TRDN: variants seen among roughly 807,000 people sequenced by gnomAD.
TRDN encodes the protein triadin in skeletal muscle.
In TRDN, 161 loss-of-function variants were observed where a neutral mutation model predicts 149.7. That is an observed-to-expected ratio of 1.08 (90% CI 0.95 to 1.23). TRDN has a LOEUF of 1.23. TRDN is among the 50% of genes most tolerant of loss of function. The pLI, the probability that TRDN is intolerant of heterozygous loss-of-function variation, is 0.00. For missense variants in TRDN, 896 were observed against 823.5 expected, an observed-to-expected ratio of 1.09 and a Z score of -1.08; for synonymous variants, 294 against 250.5, an observed-to-expected ratio of 1.17 and a Z score of -1.64.
chr6:123,348,832 C>G (rs979832943), intron 21 of TRDN, among the ~76,000 whole-genome samples: 4 of 152,058 alleles, frequency 2.6e-5, no homozygotes, highest in African/African-American at 9.7e-5. Context: ...TTTATATAAT[C>G]TTGTCTAGAA....
intron 24 of TRDN, among the ~76,000 whole-genome samples, chr6:123,306,478 T>C (rs891077750): frequency 1.3e-5 from 2 of 152,048 alleles, no homozygotes; most frequent in Admixed American, 1.3e-4. Flanking sequence ...AAACAAAGTC[T>C]AGAAAAGCCA....
intron 8 of TRDN, among the ~76,000 whole-genome samples, chr6:123,499,257 G>C (rs548616305): frequency 1.1e-4 from 17 of 152,244 alleles, no homozygotes; most frequent in Non-Finnish European, 1.9e-4. Context: ...TGATGGGATA[G>C]TTATATACAT....
intron 1 of TRDN, among the ~76,000 whole-genome samples, chr6:123,597,384 G>C (rs140910002): frequency 9.7e-4 from 147 of 152,166 alleles, no homozygotes; most frequent in African/African-American, 3.3e-3. Context: ...GGAATCTACT[G>C]CTGGTAAAGA....
intron 5 of TRDN, among the ~76,000 whole-genome samples, chr6:123,516,476 C>A (rs1779416077): frequency 6.6e-6 from 1 of 152,030 alleles, no homozygotes; most frequent in Admixed American, 6.6e-5. Flanking sequence ...TTTTCCAAAT[C>A]TTTAATTGAA....
chr6:123,376,893 A>AC (rs1201897439), intron 18 of TRDN, among the ~76,000 whole-genome samples: 1 of 152,276 alleles, frequency 6.6e-6, no homozygotes, highest in East Asian at 1.9e-4. Flanking sequence ...ATACACACAC[A>AC]CACACACAAT....
intron 38 of TRDN, among the ~76,000 whole-genome samples, chr6:123,228,126 T>A (rs1029793214): frequency 6.6e-6 from 1 of 151,922 alleles, no homozygotes; most frequent in African/African-American, 2.4e-5. Context: ...TTCTAAGCAC[T>A]TTATAAATGT....
At chr6:123,584,394 T>C (rs547558552) in intron 1 of TRDN, among the ~76,000 whole-genome samples, 112 of 112,852 alleles carry the variant, frequency 9.9e-4, no homozygotes, top group Non-Finnish European at 1.8e-3. Context: ...GGAGACATGA[T>C]GCCTAGGCTA....
chr6:123,541,224 G>A (rs75248025), intron 4 of TRDN, among the ~76,000 whole-genome samples: 38 of 152,250 alleles, frequency 2.5e-4, no homozygotes, highest in African/African-American at 4.8e-4. Context: ...TTGCCTCAGA[G>A]ACTCTTTTAA....
At chr6:123,226,543 C>T (rs1410273601) in intron 38 of TRDN, among the ~76,000 whole-genome samples, 1 of 151,854 alleles carries the variant, frequency 6.6e-6, no homozygotes, top group Admixed American at 6.6e-5. Context: ...CATCAACTGG[C>T]TATAAGTGAC....
chr6:123,428,350 G>A (rs201819780), intron 12 of TRDN, among the ~76,000 whole-genome samples: 10 of 152,154 alleles, frequency 6.6e-5, no homozygotes, highest in East Asian at 3.9e-4. Flanking sequence ...ACCCCTACCC[G>A]CTTTCCCAAG....
chr6:123,596,830 T>C (rs1242889285), intron 1 of TRDN, among the ~76,000 whole-genome samples: 1 of 151,944 alleles, frequency 6.6e-6, no homozygotes, highest in Non-Finnish European at 1.5e-5. Flanking sequence ...TCAGAAAAAA[T>C]ATATGTATAT....
intron 12 of TRDN, among the ~76,000 whole-genome samples, chr6:123,396,584 T>G (rs1772742657): frequency 6.6e-6 from 1 of 152,154 alleles, no homozygotes; most frequent in South Asian, 2.1e-4. Flanking sequence ...ATAATTCACT[T>G]GGGGGTGTTT....
chr6:123,317,250 T>C (rs1456139853), intron 23 of TRDN, among the ~76,000 whole-genome samples: 3 of 151,868 alleles, frequency 2.0e-5, no homozygotes, highest in Non-Finnish European at 4.4e-5. Context: ...TAATTATCTG[T>C]TCTTGGTATA....
chr6:123,377,848 G>C lies in TRDN; in HGVS notation c.1219+18C>G. 6.3e-7 allele frequency: 1 copy of C among 1,589,896 alleles called. No individual in the cohort carries two copies. The highest frequency in any genetic ancestry group is 8.6e-7 in the Non-Finnish European group (1 of 1,162,694). ...ATATTATGAAATTGTGAGAACAGAGGAATTTAAAAACAGTTACCTGGTTCC... is the reference window on the plus strand; with the variant it reads ...ATATTATGAAATTGTGAGAACAGAGCAATTTAAAAACAGTTACCTGGTTCC... On this transcript the variant is annotated intron_variant, in intron 17 of 40. Coordinates refer to ENST00000334268, the MANE Select transcript of TRDN (RefSeq NM_006073.4).
intron 19 of TRDN, among the ~76,000 whole-genome samples, chr6:123,370,913 C>CTT (rs58947175): frequency 0.16 from 20,919 of 131,012 alleles, 1,674 homozygotes; most frequent in African/African-American, 0.25. Flanking sequence ...AGGTCTTTGT[C>CTT]TTTTTTTTTT....
chr6:123,403,109 G>C (rs1204096100), intron 12 of TRDN, among the ~76,000 whole-genome samples: 1 of 152,034 alleles, frequency 6.6e-6, no homozygotes, highest in African/African-American at 2.4e-5. Flanking sequence ...TGAACAGAAG[G>C]CTTCAGACTA....
intron 12 of TRDN, 34 bp from the exon 13 acceptor site, chr6:123,393,711 T>C: frequency 7.0e-6 from 11 of 1,571,426 alleles, no homozygotes; most frequent in Non-Finnish European, 9.5e-6. Context: ...TACCATGAAG[T>C]ATGATTTTGG....
At chr6:123,373,482 A>G (rs750755918) in intron 19 of TRDN, among the ~76,000 whole-genome samples, 7 of 152,154 alleles carry the variant, frequency 4.6e-5, no homozygotes, top group Non-Finnish European at 2.9e-5. Flanking sequence ...TATATGCTCT[A>G]TTCTGAAGGT....
chr6:123,569,883 T>G lies in TRDN; in HGVS notation c.232+1040A>C, dbSNP rs567378727. 1.7e-3 allele frequency among the ~76,000 whole-genome samples: 258 copies of G among 152,316 alleles called. 1 individual carries two copies. Among genetic ancestry groups the G allele is most frequent in the Non-Finnish European group, 2.2e-3 (147 of 68,028 alleles). The stretch of plus-strand genomic sequence containing the variant: ...CAACACTGGGGATTATAATTCATCA[T>G]GAGATTAGAGGGAACACATATCCAA... On this transcript the variant is annotated intron_variant, in intron 2 of 40. Transcript: ENST00000334268.
Sources: allele counts gnomAD v4.1 joint callset (sites outside exome capture counted in the v4.1 genomes callset), GRCh38; gene constraint gnomAD v4.1.1; transcripts MANE v1.5; gene names NCBI Gene and HGNC (gene_info 2026-07-23, HGNC 2026-07-21).